Variants in MYRFL observed in about 807,000 individuals in gnomAD.
MYRFL encodes myelin regulatory factor like, also known as myelin regulatory factor-like protein.
MYRFL carries 88 observed loss-of-function variants against 109.4 expected under a neutral mutation model. That is an observed-to-expected ratio of 0.80 (90% CI 0.68 to 0.96). The LOEUF is 0.96. Among genes scored for constraint, MYRFL ranks in the 40% least tolerant of loss-of-function variants. The pLI is 0.00. For missense variants in MYRFL, 957 were observed against 954.9 expected (o/e 1.00, Z -0.03); for synonymous variants, 324 against 320.9 (o/e 1.01, Z -0.10).
At chr12:69,948,923 G>A (rs1955904326) in intron 19 of MYRFL, among the ~76,000 whole-genome samples, 1 of 152,076 alleles carries the variant, frequency 6.6e-6, no homozygotes, top group African/African-American at 2.4e-5. Flanking sequence ...TGTGTAAGAG[G>A]AAAGTTTTTT....
chr12:69,921,487 AG>A (rs1566026485), intron 13 of MYRFL, among the ~76,000 whole-genome samples: 2 of 152,246 alleles, frequency 1.3e-5, no homozygotes, highest in Non-Finnish European at 1.5e-5. Flanking sequence ...GAAAAACTCT[AG>A]ATTATAGTTT....
chr12:69,897,038 A>G (rs1954019251), intron 9 of MYRFL, 118 bp from the exon 10 acceptor site: 1 of 730,634 alleles, frequency 1.4e-6, no homozygotes, highest in Admixed American at 2.1e-5. Flanking sequence ...GGCAGTCTTT[A>G]AATAAGCAAA....
rs974576775 is a variant in MYRFL at position 69,903,768 on chromosome 12, T to G, written c.1307T>G (p.Val436Gly). ...ACAGATGCGCCGGACGAAGCCCTGGTTGTCTGTGGCAACATGAAAGTGATG... is the reference window on the plus strand; with the variant it reads ...ACAGATGCGCCGGACGAAGCCCTGGGTGTCTGTGGCAACATGAAAGTGATG... Reference protein sequence around the residue: ...INTDAPDEALVVCGNMKVMGT... With the variant: ...INTDAPDEALGVCGNMKVMGT... Residue 436 changes from valine to glycine, a missense_variant, in exon 11 of 25, where the codon GTT becomes GGT. Val to Gly is a moderately radical substitution (Grantham distance 109). Transcript: ENST00000552032. 2 of 1,535,696 alleles carry G rather than the reference T, an allele frequency of 1.3e-6. No homozygotes were observed. Among genetic ancestry groups the G allele is most frequent in the African/African-American group, 2.7e-5 (2 of 73,046 alleles).
intron 2 of MYRFL, among the ~76,000 whole-genome samples, chr12:69,878,127 C>T (rs995354457): frequency 6.6e-6 from 1 of 151,364 alleles, no homozygotes; most frequent in East Asian, 2.0e-4. Context: ...CCTGTAATCC[C>T]AGCTACTTGG....
intron 1 of MYRFL, among the ~76,000 whole-genome samples, chr12:69,854,411 A>G (rs781780654): frequency 1.0e-4 from 15 of 149,882 alleles, no homozygotes; most frequent in Non-Finnish European, 1.6e-4. Context: ...TGAGATGGAG[A>G]CTCACTCTGT....
intron 1 of MYRFL, among the ~76,000 whole-genome samples, chr12:69,845,962 G>T (rs1883507529): frequency 6.6e-6 from 1 of 152,062 alleles, no homozygotes; most frequent in Non-Finnish European, 1.5e-5. Context: ...TAAATGATGG[G>T]ATTGAGTGCA....
At chr12:69,935,820 G>T (rs1055581457) in intron 16 of MYRFL, 32 of 404,084 alleles carry the variant, frequency 7.9e-5, no homozygotes, top group Middle Eastern at 3.2e-4. Context: ...TCTTCCACTA[G>T]TGACAGGCAC....
intron 2 of MYRFL, among the ~76,000 whole-genome samples, chr12:69,859,731 C>A (rs1592713527): frequency 6.6e-6 from 1 of 152,164 alleles, no homozygotes; most frequent in South Asian, 2.1e-4. Flanking sequence ...TACCATCTCA[C>A]ACCAGTTAGA....
At chr12:69,878,579 C>T (rs1885841957) in intron 2 of MYRFL, among the ~76,000 whole-genome samples, 1 of 152,018 alleles carries the variant, frequency 6.6e-6, no homozygotes, top group Admixed American at 6.5e-5. Context: ...CAATCAGTGC[C>T]ATTGGGATAT....
At chr12:69,885,977 T>C (rs1886422204) in intron 5 of MYRFL, among the ~76,000 whole-genome samples, 1 of 152,156 alleles carries the variant, frequency 6.6e-6, no homozygotes, top group African/African-American at 2.4e-5. Context: ...AATAAATAAC[T>C]GGTCTAAGTT....
chr12:69,839,492 A>G (rs1445244455), intron 1 of MYRFL, among the ~76,000 whole-genome samples: 1 of 152,132 alleles, frequency 6.6e-6, no homozygotes, highest in East Asian at 1.9e-4. Context: ...TCAACTCTAC[A>G]TTCTTCTGCT....
At chr12:69,940,807 C>G (rs1955618278) in intron 19 of MYRFL, among the ~76,000 whole-genome samples, 1 of 134,802 alleles carries the variant, frequency 7.4e-6, no homozygotes, top group African/African-American at 2.8e-5. Context: ...TGCAGAGACA[C>G]ACATAGGCTC....
intron 2 of MYRFL, among the ~76,000 whole-genome samples, chr12:69,855,742 T>C (rs11177908): frequency 0.038 from 5,728 of 152,236 alleles, 138 homozygotes; most frequent in East Asian, 0.11. Context: ...GTAGGATCTA[T>C]AGTGATGATT....
intron 13 of MYRFL, among the ~76,000 whole-genome samples, chr12:69,915,640 G>A (rs1232962694): frequency 2.0e-5 from 3 of 152,092 alleles, no homozygotes; most frequent in African/African-American, 4.8e-5. Context: ...GGGGTAATTT[G>A]CCTCTTCTCA....
intron 1 of MYRFL, among the ~76,000 whole-genome samples, chr12:69,825,926 C>A (rs1565954853): frequency 6.6e-6 from 1 of 151,912 alleles, no homozygotes; most frequent in African/African-American, 2.4e-5. Context: ...GGAAACGTGA[C>A]CATCATTTTT....
intron 10 of MYRFL, among the ~76,000 whole-genome samples, chr12:69,898,186 G>A (rs1440145972): frequency 6.6e-6 from 1 of 152,188 alleles, no homozygotes; most frequent in African/African-American, 2.4e-5. Flanking sequence ...GCCCATTTGG[G>A]GAAATGGCAT....
chr12:69,893,989 ATTTTTTT>A (rs60637559), intron 8 of MYRFL, 149 bp downstream of exon 8: 5,302 of 113,238 alleles, frequency 0.047, 85 homozygotes, highest in Non-Finnish European at 0.06. Flanking sequence ...AATAATGTTA[ATTTTTTT>A]TTTTTTTTTT....
At chr12:69,932,482 T>TATC in intron 15 of MYRFL, 31 bp from the exon 16 acceptor site, 2 of 1,441,872 alleles carry the variant, frequency 1.4e-6, no homozygotes, top group Middle Eastern at 1.7e-4. Flanking sequence ...GTTGCTAATT[T>TATC]ATCACTGCTC....
chr12:69,906,587 A>G (rs1017651601), intron 11 of MYRFL, among the ~76,000 whole-genome samples: 27 of 152,246 alleles, frequency 1.8e-4, no homozygotes, highest in African/African-American at 5.8e-4. Context: ...CGTTAAGATG[A>G]AATGCTCAAA....
Sources: gnomAD v4.1 joint callset for allele counts (sites outside exome capture counted in the v4.1 genomes callset) on GRCh38, gnomAD v4.1.1 for gene constraint, MANE v1.5 for transcripts, NCBI Gene and HGNC (gene_info 2026-07-23, HGNC 2026-07-21) for gene names.